USP9X: variants seen among roughly 807,000 people sequenced by gnomAD.
USP9X encodes ubiquitin specific peptidase 9 X-linked, also known as ubiquitin carboxyl-terminal hydrolase 9X.
In USP9X, 7 loss-of-function variants were observed where a neutral mutation model predicts 190.3. The ratio of observed to expected loss-of-function variants is 0.04; its 90% CI spans 0.02 to 0.07. The LOEUF (loss-of-function observed/expected upper bound fraction) is 0.07, where lower values mean the gene tolerates loss of function less well. Among genes scored for constraint, USP9X ranks in the 10% least tolerant of loss-of-function variants. USP9X has a pLI of 1.00. For missense variants in USP9X, 1,010 were observed against 1,916.9 expected, an observed-to-expected ratio of 0.53 and a Z score of 8.83; for synonymous variants, 645 against 659.5, an observed-to-expected ratio of 0.98 and a Z score of 0.34.
intron 32 of USP9X, among the ~76,000 whole-genome samples, chrX:41,206,170 C>T (rs1028875340): frequency 6.3e-5 from 7 of 111,550 alleles, no homozygotes; most frequent in South Asian, 3.7e-4. Context: ...GGATTACAGG[C>T]GTGAGCCACT....
chrX:41,117,542 A>G (rs1240087073), intron 1 of USP9X, among the ~76,000 whole-genome samples: 2 of 109,066 alleles, frequency 1.8e-5, no homozygotes, highest in Admixed American at 2.0e-4. Flanking sequence ...GAAAATATAC[A>G]TAAAATTTAC....
chrX:41,085,545 C>T lies in USP9X; in HGVS notation c.-723C>T, dbSNP rs2061902245. 4.3e-6 allele frequency: 1 copy of T among 233,878 alleles called. No individual in the cohort carries two copies. The highest frequency in any genetic ancestry group is 2.9e-5 in the African/African-American group (1 of 34,464). The allele number at this position is 233,878 out of a possible 1,213,427, so 19.3% of individuals were successfully genotyped here. A position where few individuals can be genotyped will look rare whatever the true frequency, so the allele number is the denominator to read the frequency against. ...GCAACCTCTCCGCACCCGGCCCCGT[C>T]AGGGCCTCTGTCGCGCCTAGCCCCT... On this transcript the variant is annotated 5_prime_UTR_variant, in exon 1 of 45. Coordinates refer to ENST00000378308, the MANE Select transcript of USP9X (RefSeq NM_001039591.3).
At chrX:41,220,474 A>G (rs1289303701) in intron 38 of USP9X, among the ~76,000 whole-genome samples, 3 of 112,530 alleles carry the variant, frequency 2.7e-5, no homozygotes, top group Admixed American at 9.4e-5. Context: ...TAAGAAAAGC[A>G]AGGCAGTGCA....
In USP9X at chrX:41,196,356, G is replaced by A. The variant is rs34297563; in HGVS notation, c.4083G>A (p.Leu1361=). The A allele has an allele frequency of 6.7e-3, 8,029 of 1,202,365 alleles. 320 individuals are homozygous for A. In the African/African-American group the frequency reaches 0.12, roughly 18 times the overall value. The change falls in exon 27 of 45, where the codon TTG becomes TTA. Residue 1361 remains leucine (L), a synonymous_variant. Transcript: ENST00000378308. The part of the protein sequence containing the change: ...LFFITLLFTV[L]GSTARERAKH... Reference sequence around the variant, plus strand: ...TCATTACTCTACTCTTTACTGTTTTGGGGGTGAGACTTTTTAAAATATGCT... The same window carrying A: ...TCATTACTCTACTCTTTACTGTTTTAGGGGTGAGACTTTTTAAAATATGCT...
At chrX:41,214,426 T>TAC (rs1468689791) in intron 33 of USP9X, 142 bp from the exon 34 acceptor site, 1 of 537,758 alleles carries the variant, frequency 1.9e-6, no homozygotes, top group Admixed American at 5.8e-5. Flanking sequence ...TATACATATG[T>TAC]AACAAACCTG....
chrX:41,152,463 T>C (rs1044296041), intron 13 of USP9X, among the ~76,000 whole-genome samples: 2 of 111,375 alleles, frequency 1.8e-5, no homozygotes, highest in Admixed American at 9.5e-5. Flanking sequence ...GATGAGTCTT[T>C]GTGGTGACAC....
chrX:41,216,630 C>T lies in USP9X; in HGVS notation c.6063C>T (p.Gly2021=), dbSNP rs1330432586. 7 of 1,205,368 alleles carry T rather than the reference C, an allele frequency of 5.8e-6. No individual in the cohort carries two copies. Among genetic ancestry groups the T allele is most frequent in the Non-Finnish European group, 7.8e-6 (7 of 892,309 alleles). ...TGAAAAAACTGCTTACATGTAATGG[C>T]GTTTACTTAAACCCTCCTCCCGGTG... ...QFMKKLLTCN[G]VYLNPPPGQD... Residue 2021 remains glycine, a synonymous_variant, in exon 35 of 45, where the codon GGC becomes GGT. Coordinates refer to ENST00000378308, the MANE Select transcript of USP9X (RefSeq NM_001039591.3).
At chrX:41,135,550 A>T (rs2147030962) in intron 5 of USP9X, among the ~76,000 whole-genome samples, 1 of 111,702 alleles carries the variant, frequency 9.0e-6, no homozygotes, top group African/African-American at 3.3e-5. Flanking sequence ...GTCAGATTCC[A>T]GAGATCTTAA....
chrX:41,180,860 G>A (rs1334006498), intron 21 of USP9X, among the ~76,000 whole-genome samples: 1 of 112,058 alleles, frequency 8.9e-6, no homozygotes, highest in Admixed American at 9.5e-5. Flanking sequence ...TCTGTTGTAA[G>A]CTCTTAGCAC....
At position 41,189,428 on chromosome X, in the gene USP9X, G is replaced by C; in HGVS notation, c.3930G>C (p.Lys1310Asn). The change falls in exon 26 of 45, where the codon AAG (lysine) becomes AAC (asparagine). Residue 1310 changes from lysine to asparagine, a missense_variant. Coordinates refer to ENST00000378308, the MANE Select transcript of USP9X (RefSeq NM_001039591.3). ...PTALDALSKE[K>N]AWQTFIIDLL... is the part of the protein sequence containing the mutation. ...CCTTAGATGCTCTTAGTAAAGAAAA[G>C]GCTTGGCAGACATTCATCATTGACT... 2 of 1,210,525 alleles carry C rather than the reference G, an allele frequency of 1.7e-6. No individual in the cohort carries two copies. The highest frequency in any genetic ancestry group is 2.2e-6 in the Non-Finnish European group (2 of 894,693).
chrX:41,143,113 C>T (rs2062436737), intron 9 of USP9X, among the ~76,000 whole-genome samples, 178 bp from the exon 10 acceptor site: 1 of 111,289 alleles, frequency 9.0e-6, no homozygotes, highest in Admixed American at 9.6e-5. Context: ...TCTGTATGTG[C>T]AAAATTGTTA....
Sources: gnomAD v4.1 joint callset for allele counts (sites outside exome capture counted in the v4.1 genomes callset) on GRCh38, gnomAD v4.1.1 for gene constraint, MANE v1.5 for transcripts, NCBI Gene and HGNC (gene_info 2026-07-23, HGNC 2026-07-21) for gene names.